The following PHKA2 variants were observed in gnomAD, a reference collection of about 807,000 sequenced individuals.
PHKA2 encodes the protein phosphorylase b kinase regulatory subunit alpha, liver isoform.
In PHKA2, 31 loss-of-function variants were observed where a neutral mutation model predicts 102.0. The observed-to-expected ratio is 0.30, with a 90% CI of 0.23 to 0.41. The LOEUF is 0.41. Ranked by LOEUF, PHKA2 falls within the 10% of genes least tolerant of loss-of-function variation. The pLI is 1.00. For synonymous variants in PHKA2, 455 were observed against 416.2 expected (o/e 1.09, Z -1.13); for missense variants, 858 against 1,023.1 (o/e 0.84, Z 2.20).
intron 1 of PHKA2, among the ~76,000 whole-genome samples, chrX:18,963,031 C>T (rs961245470): frequency 3.5e-5 from 4 of 112,803 alleles, no homozygotes; most frequent in Admixed American, 1.9e-4. Flanking sequence ...TTTCCCTTTA[C>T]TGAACTCTTC....
intron 22 of PHKA2, among the ~76,000 whole-genome samples, 154 bp from the exon 23 acceptor site, chrX:18,907,251 T>C (rs2047837550): frequency 8.9e-6 from 1 of 112,157 alleles, no homozygotes; most frequent in Non-Finnish European, 1.9e-5. Context: ...GAAAAATTCA[T>C]ACCTAGACCC....
intron 30 of PHKA2, 57 bp from the exon 31 acceptor site, chrX:18,895,248 A>G: frequency 9.4e-7 from 1 of 1,061,047 alleles, no homozygotes; most frequent in South Asian, 1.9e-5. Flanking sequence ...AAGCACATGC[A>G]TGCACACACA....
chrX:18,905,631 T>C (rs1401321833), intron 26 of PHKA2, 127 bp downstream of exon 26: 2 of 562,538 alleles, frequency 3.6e-6, no homozygotes, highest in Non-Finnish European at 6.4e-6. Context: ...CCTAGGACTC[T>C]GTCCATCTCC....
chrX:18,969,246 T>G (rs2048986779), intron 1 of PHKA2, among the ~76,000 whole-genome samples: 1 of 111,833 alleles, frequency 8.9e-6, no homozygotes, highest in African/African-American at 3.3e-5. Context: ...TGAGAAAATG[T>G]CTGCCAAATG....
intron 10 of PHKA2, among the ~76,000 whole-genome samples, chrX:18,938,063 A>T (rs1024464653): frequency 8.9e-6 from 1 of 112,663 alleles, no homozygotes; most frequent in Non-Finnish European, 1.9e-5. Context: ...GCCCTTGTCT[A>T]GTCCCCTCCC....
intron 26 of PHKA2, among the ~76,000 whole-genome samples, chrX:18,902,435 C>T (rs2047707572): frequency 9.1e-6 from 1 of 109,933 alleles, no homozygotes; most frequent in Admixed American, 9.6e-5. Flanking sequence ...CCGTGCCCAC[C>T]CTTGCTTTTG....
chrX:18,980,718 T>C (rs2148051121), intron 1 of PHKA2, among the ~76,000 whole-genome samples: 1 of 111,892 alleles, frequency 8.9e-6, no homozygotes, highest in Admixed American at 9.5e-5. Flanking sequence ...GCAGGTCCTC[T>C]GTATGCTGAG....
Position 18,931,713 on chromosome X carries a change from G to A in PHKA2, c.1173C>T (p.Asp391=), listed in dbSNP as rs1569313760. The A allele has an allele frequency of 8.3e-7, 1 of 1,199,869 alleles. No homozygotes were observed. Among genetic ancestry groups the A allele is most frequent in the Non-Finnish European group, 1.1e-6 (1 of 884,642 alleles). The change falls in exon 12 of 33, where the codon GAC becomes GAT. Residue 391 remains aspartate, a synonymous_variant. Coordinates refer to ENST00000379942, the MANE Select transcript of PHKA2 (RefSeq NM_000292.3). ...GAGGCACCTTCCCCATAGGAACTCG[G>A]TCTACTGTGTGAGGATTCTTGTACT... ...DEEYKNPHTV[D]RVPMGKVPHL...
In PHKA2 at chrX:18,907,037, G is replaced by C; in HGVS notation, c.2578C>G (p.Arg860Gly). 8.4e-7 allele frequency: 1 copy of C among 1,196,755 alleles called. No homozygotes were observed. The highest frequency in any genetic ancestry group is 1.1e-6 in the Non-Finnish European group (1 of 887,742). ...QLTVGLPPEP[R>G]EKIISAPLPP... The stretch of plus-strand genomic sequence containing the variant: ...ACTTACGCAGAGATGATCTTCTCCC[G>C]GGGCTCGGGCGGCAGGCCCACGGTG... Residue 860 changes from arginine (R) to glycine (G), a missense_variant, in exon 23 of 33, where the codon CGG becomes GGG. Transcript: ENST00000379942.
Position 18,935,435 on chromosome X carries a change from C to T in PHKA2, c.1137+620G>A, listed in dbSNP as rs535629349. On this transcript the variant is annotated intron_variant, in intron 11 of 32. Coordinates refer to ENST00000379942, the MANE Select transcript of PHKA2 (RefSeq NM_000292.3). ...TCGTCTGTGGAAGTGTGTAAGAACA[C>T]GGTGCACAATGGGTTTACGCTCTTT... is the stretch of plus-strand genomic sequence containing the variant. 5.4e-5 allele frequency among the ~76,000 whole-genome samples: 6 copies of T among 111,603 alleles called. 1 individual carries two copies. The South Asian group carries it at 1.1e-3, about 21-fold the overall frequency.
intron 19 of PHKA2, among the ~76,000 whole-genome samples, chrX:18,917,352 G>A (rs776173980): frequency 1.9e-5 from 2 of 107,793 alleles, no homozygotes; most frequent in African/African-American, 6.8e-5. Context: ...TCTGCTTCCC[G>A]GGTTCAAGTG....
chrX:18,922,841 A>G (rs1470701604), intron 17 of PHKA2, among the ~76,000 whole-genome samples: 1 of 108,879 alleles, frequency 9.2e-6, no homozygotes, highest in African/African-American at 3.3e-5. Flanking sequence ...GGTTAAGGTA[A>G]TGTTATAGGT....
At chrX:18,960,954 A>G (rs754068383) in intron 1 of PHKA2, among the ~76,000 whole-genome samples, 2 of 112,643 alleles carry the variant, frequency 1.8e-5, no homozygotes, top group Non-Finnish European at 3.8e-5. Context: ...ACAATCCAAG[A>G]AAGGACAGTC....
chrX:18,922,903 T>C (rs955895927), intron 17 of PHKA2, among the ~76,000 whole-genome samples: 1 of 110,380 alleles, frequency 9.1e-6, no homozygotes, highest in African/African-American at 3.3e-5. Context: ...GGTAGGAGTG[T>C]CCCTGGGGTG....
chrX:18,916,598 T>C (rs2147886506), intron 19 of PHKA2, among the ~76,000 whole-genome samples: 1 of 111,975 alleles, frequency 8.9e-6, no homozygotes, highest in African/African-American at 3.2e-5. Flanking sequence ...TGGTGATAAG[T>C]GAGCTCTCAC....
intron 6 of PHKA2, among the ~76,000 whole-genome samples, chrX:18,944,677 C>T (rs1008098379): frequency 8.9e-6 from 1 of 112,232 alleles, no homozygotes; most frequent in African/African-American, 3.2e-5. Flanking sequence ...AGTTTCACTT[C>T]GTACTGTTAT....
Position 18,906,823 on chromosome X carries a change from G to A in PHKA2, c.2598-9C>T. 8.3e-7 allele frequency: 1 copy of A among 1,197,719 alleles called. No individual in the cohort carries two copies. Among genetic ancestry groups the A allele is most frequent in the Non-Finnish European group, 1.1e-6 (1 of 882,369 alleles). ...CCTCTGGGGGAAGGGGCCTAGAAAGGAGCATTGTGTCACGAATGTGATGAG... is the reference window on the plus strand; with the variant it reads ...CCTCTGGGGGAAGGGGCCTAGAAAGAAGCATTGTGTCACGAATGTGATGAG... On this transcript the variant is annotated splice_polypyrimidine_tract_variant and intron_variant, in intron 23 of 32. Transcript: ENST00000379942.
intron 1 of PHKA2, among the ~76,000 whole-genome samples, chrX:18,965,613 A>G (rs1291774932): frequency 9.0e-6 from 1 of 110,593 alleles, no homozygotes; most frequent in Admixed American, 9.7e-5. Context: ...CATTGTGGAC[A>G]GGGACACGGA....
intron 1 of PHKA2, among the ~76,000 whole-genome samples, chrX:18,975,520 C>T (rs1043221621): frequency 4.5e-5 from 5 of 111,960 alleles, no homozygotes; most frequent in Admixed American, 2.9e-4. Flanking sequence ...AATACAGATA[C>T]CTAACAGACA....
Sources: allele counts gnomAD v4.1 joint callset (sites outside exome capture counted in the v4.1 genomes callset), GRCh38; gene constraint gnomAD v4.1.1; transcripts MANE v1.5; gene names NCBI Gene and HGNC (gene_info 2026-07-23, HGNC 2026-07-21).